ZNF618: variants seen among roughly 807,000 people sequenced by gnomAD.
The protein encoded by ZNF618 is neural precursor cell expressed, developmentally down-regulated 10.
Under a neutral mutation model 103.0 loss-of-function variants are expected in ZNF618, and 34 were observed. The ratio of observed to expected loss-of-function variants is 0.33; its 90% CI spans 0.25 to 0.44. The LOEUF is 0.44. Among genes scored for constraint, ZNF618 ranks in the 20% least tolerant of loss-of-function variants. ZNF618 has a pLI of 1.00. For missense variants in ZNF618, 1,059 were observed against 1,295.4 expected (o/e 0.82, Z 2.80); for synonymous variants, 551 against 542.2 (o/e 1.02, Z -0.23).
intron 3 of ZNF618, among the ~76,000 whole-genome samples, chr9:113,995,311 AGTT>A (rs1208968999): frequency 2.6e-5 from 4 of 151,778 alleles, no homozygotes; most frequent in Admixed American, 1.3e-4. Context: ...TTCCAGATTG[AGTT>A]GTTATTAGCA....
intron 2 of ZNF618, among the ~76,000 whole-genome samples, chr9:113,978,172 T>C (rs1838654729): frequency 6.6e-6 from 1 of 152,228 alleles, no homozygotes; most frequent in South Asian, 2.1e-4. Flanking sequence ...TTGAGGGTTA[T>C]TAAGGAACAG....
At chr9:113,887,337 C>T (rs1366332025) in intron 1 of ZNF618, among the ~76,000 whole-genome samples, 16 of 152,162 alleles carry the variant, frequency 1.1e-4, no homozygotes, top group Admixed American at 1.0e-3. Context: ...CTCTGCTTAT[C>T]CCTCCCCTAA....
intron 1 of ZNF618, among the ~76,000 whole-genome samples, chr9:113,968,552 G>A (rs887510060): frequency 3.3e-5 from 5 of 152,062 alleles, no homozygotes; most frequent in African/African-American, 9.7e-5. Flanking sequence ...CTCCCTCTGT[G>A]CCCAAGGCCC....
intron 1 of ZNF618, among the ~76,000 whole-genome samples, chr9:113,965,998 A>C (rs59302609): frequency 6.6e-6 from 1 of 152,172 alleles, no homozygotes; most frequent in Non-Finnish European, 1.5e-5. Context: ...CAGAAGACCC[A>C]TGGTCCACCC....
intron 1 of ZNF618, among the ~76,000 whole-genome samples, chr9:113,899,592 C>T (rs116952008): frequency 0.012 from 1,752 of 152,280 alleles, 20 homozygotes; most frequent in Middle Eastern, 0.048. Flanking sequence ...GGGACAGTTC[C>T]ATCCTGAAAC....
intron 1 of ZNF618, among the ~76,000 whole-genome samples, chr9:113,927,357 C>CT (rs1833194342): frequency 4.6e-5 from 7 of 152,156 alleles, no homozygotes; most frequent in Admixed American, 4.6e-4. Flanking sequence ...TTGTTTTTGT[C>CT]TCACCTGTTG....
intron 1 of ZNF618, among the ~76,000 whole-genome samples, chr9:113,878,577 G>A (rs1438664925): frequency 2.0e-5 from 3 of 152,266 alleles, no homozygotes; most frequent in African/African-American, 7.2e-5. Context: ...AAGATGAAGC[G>A]TTTTGTGATA....
intron 3 of ZNF618, among the ~76,000 whole-genome samples, chr9:113,992,941 A>G (rs935990273): frequency 2.0e-5 from 3 of 152,218 alleles, no homozygotes; most frequent in Non-Finnish European, 4.4e-5. Context: ...TCTCACTCCG[A>G]GAAAGAAAGT....
At chr9:113,946,904 T>C (rs1038923818) in intron 1 of ZNF618, among the ~76,000 whole-genome samples, 3 of 152,216 alleles carry the variant, frequency 2.0e-5, no homozygotes, top group Admixed American at 1.3e-4. Flanking sequence ...TTGTTTCCAG[T>C]TGGGCTCACC....
At chr9:113,922,890 G>C (rs1009487688) in intron 1 of ZNF618, among the ~76,000 whole-genome samples, 4 of 152,138 alleles carry the variant, frequency 2.6e-5, no homozygotes, top group African/African-American at 4.8e-5. Flanking sequence ...GATAAAGTTG[G>C]AAAGAAATGA....
chr9:113,956,927 A>G (rs375068922), intron 1 of ZNF618, among the ~76,000 whole-genome samples: 1 of 152,208 alleles, frequency 6.6e-6, no homozygotes, highest in African/African-American at 2.4e-5. Context: ...AGTTTTATGT[A>G]TTATGAACTG....
intron 13 of ZNF618, among the ~76,000 whole-genome samples, chr9:114,046,669 G>T (rs1186625154): frequency 6.6e-6 from 1 of 152,162 alleles, no homozygotes; most frequent in Non-Finnish European, 1.5e-5. Context: ...TGTTCGCTGT[G>T]GGGGTTCTGG....
rs763455683 is a variant in ZNF618 at position 113,933,075 on chromosome 9, A to G, written c.34-36042A>G. On this transcript the variant is annotated intron_variant, in intron 1 of 14. Transcript: ENST00000374126. The stretch of plus-strand genomic sequence containing the variant: ...AAAGCCAGGAAGAAAGGAGAGATCA[A>G]GCATGTCAGCTAAGATGAGATCTGA... Among the ~76,000 whole-genome samples the G allele has an allele frequency of 7.9e-5, 12 of 152,154 alleles. 1 individual carries two copies. Among genetic ancestry groups the G allele is most frequent in the Non-Finnish European group, 1.6e-4 (11 of 68,046 alleles).
At chr9:113,964,414 T>C (rs1837163710) in intron 1 of ZNF618, among the ~76,000 whole-genome samples, 1 of 152,134 alleles carries the variant, frequency 6.6e-6, no homozygotes, top group African/African-American at 2.4e-5. Context: ...AACAAATGAA[T>C]ATATCAGTGA....
At chr9:113,885,755 A>G (rs1420136760) in intron 1 of ZNF618, among the ~76,000 whole-genome samples, 1 of 152,202 alleles carries the variant, frequency 6.6e-6, no homozygotes, top group Non-Finnish European at 1.5e-5. Flanking sequence ...AATGGACTAG[A>G]AAGTGCTTCA....
rs375364284 is a variant in ZNF618, at chr9:113,969,131, T to C, written c.48T>C (p.Ser16=). 7.4e-6 allele frequency: 12 copies of C among 1,613,856 alleles called. No homozygotes were observed. Among genetic ancestry groups the C allele is most frequent in the African/African-American group, 2.7e-5 (2 of 74,910 alleles). ...GAAAPQADGA[S]AAGRKSTASR... ...TTCTTTTGCAGGCTGACGGAGCCAG[T>C]GCAGCCGGAAGGAAAAGCACTGCGA... is the stretch of plus-strand genomic sequence containing the variant. The change falls in exon 2 of 15, where the codon AGT becomes AGC. Residue 16 remains serine (S), a synonymous_variant. Coordinates refer to ENST00000374126, the MANE Select transcript of ZNF618 (RefSeq NM_001318042.2).
intron 1 of ZNF618, among the ~76,000 whole-genome samples, chr9:113,938,758 C>T (rs10817536): frequency 0.47 from 71,805 of 151,454 alleles, 17,490 homozygotes; most frequent in Non-Finnish European, 0.53. Flanking sequence ...TTAGTAGAGA[C>T]GGGGTTTCAT....
At chr9:113,996,392 A>C (rs1298807485) in intron 3 of ZNF618, among the ~76,000 whole-genome samples, 1 of 152,024 alleles carries the variant, frequency 6.6e-6, no homozygotes, top group African/African-American at 2.4e-5. Flanking sequence ...ATCTTGTCAC[A>C]TTTTGTGTAT....
At chr9:113,933,310 G>A (rs1833761018) in intron 1 of ZNF618, among the ~76,000 whole-genome samples, 1 of 152,230 alleles carries the variant, frequency 6.6e-6, no homozygotes, top group Non-Finnish European at 1.5e-5. Flanking sequence ...TGACATCACA[G>A]TCTGTTGCTA....
Sources: gnomAD v4.1 joint callset for allele counts (sites outside exome capture counted in the v4.1 genomes callset) on GRCh38, gnomAD v4.1.1 for gene constraint, MANE v1.5 for transcripts, NCBI Gene and HGNC (gene_info 2026-07-23, HGNC 2026-07-21) for gene names.